CAMTA1: variants seen among roughly 807,000 people sequenced by gnomAD.
CAMTA1 encodes calmodulin binding transcription activator 1.
Under a neutral mutation model 170.9 loss-of-function variants are expected in CAMTA1, and 27 were observed. The ratio of observed to expected loss-of-function variants is 0.16; its 90% CI spans 0.12 to 0.22. The LOEUF (loss-of-function observed/expected upper bound fraction) is 0.22, where lower values mean the gene tolerates loss of function less well. Among genes scored for constraint, CAMTA1 ranks in the 10% least tolerant of loss-of-function variants. The probability of loss-of-function intolerance (pLI) is 1.00; values close to 1 mark genes in which losing one functional copy is unlikely to be tolerated. For missense variants in CAMTA1, 1,619 were observed against 2,217.2 expected (o/e 0.73, Z 5.42); for synonymous variants, 833 against 891.5 (o/e 0.93, Z 1.17).
intron 4 of CAMTA1, among the ~76,000 whole-genome samples, chr1:7,162,855 T>C (rs758479344): frequency 7.2e-5 from 11 of 152,158 alleles, no homozygotes; most frequent in Non-Finnish European, 1.6e-4. Context: ...ATGTGGTGAC[T>C]CCGTGGCTGA....
At chr1:7,156,733 C>T (rs952133230) in intron 4 of CAMTA1, among the ~76,000 whole-genome samples, 1 of 152,200 alleles carries the variant, frequency 6.6e-6, no homozygotes, top group Non-Finnish European at 1.5e-5. Flanking sequence ...TTGGGGACGA[C>T]ATTTAATTTT....
At chr1:7,361,986 C>T (rs2085571887) in intron 5 of CAMTA1, among the ~76,000 whole-genome samples, 1 of 152,216 alleles carries the variant, frequency 6.6e-6, no homozygotes, top group Admixed American at 6.5e-5. Context: ...TTCTTGAATG[C>T]ATAGGCCATA....
intron 3 of CAMTA1, among the ~76,000 whole-genome samples, chr1:7,021,706 G>A (rs1329736959): frequency 1.3e-5 from 2 of 152,204 alleles, no homozygotes; most frequent in Admixed American, 1.3e-4. Flanking sequence ...AGTTCCTTGT[G>A]TGTCAGCTGT....
chr1:7,702,004 T>C (rs893067908), intron 11 of CAMTA1, among the ~76,000 whole-genome samples: 2 of 152,132 alleles, frequency 1.3e-5, no homozygotes, highest in African/African-American at 4.8e-5. Flanking sequence ...CATCCCACCC[T>C]AGCTCTGCCT....
chr1:7,547,149 A>G lies in CAMTA1; in HGVS notation c.510+79248A>G, dbSNP rs2094704557. Among the ~76,000 whole-genome samples the G allele has an allele frequency of 6.6e-6, 1 of 152,140 alleles. No individual in the cohort carries two copies. The highest frequency in any genetic ancestry group is 2.4e-5 in the African/African-American group (1 of 41,422). ...TGGGTCATTTGATATAAGCCCAATC[A>G]TTCTTTGAGCACTTCCTTGCTTTCT... On this transcript the variant is annotated intron_variant, in intron 6 of 22. Coordinates refer to ENST00000303635, the MANE Select transcript of CAMTA1 (RefSeq NM_015215.4). This position sits in a 1 kb window ranked among gnomAD's most constrained non-coding sequence, Gnocchi z 5.7.
Position 7,588,124 on chromosome 1 carries a change from T to C in CAMTA1, c.511-52276T>C, listed in dbSNP as rs755094798. ...TTCTGGGTCACTGGGGCTATGGGACTAGACCCCAGGGCTGGGATCCCACAG... is the reference window on the plus strand; with the variant it reads ...TTCTGGGTCACTGGGGCTATGGGACCAGACCCCAGGGCTGGGATCCCACAG... On this transcript the variant is annotated intron_variant, in intron 6 of 22. Coordinates refer to ENST00000303635, the MANE Select transcript of CAMTA1 (RefSeq NM_015215.4). The surrounding 1 kb of genome is among the most constrained non-coding windows in gnomAD (Gnocchi z 5.8). Among the ~76,000 whole-genome samples, 27 of 152,112 alleles carry C rather than the reference T, an allele frequency of 1.8e-4. No homozygotes were observed. The highest frequency in any genetic ancestry group is 1.4e-3 in the Admixed American group (21 of 15,292).
In CAMTA1 at chr1:7,562,152, G is replaced by A. The variant is rs2094965291; in HGVS notation, c.511-78248G>A. 6.6e-6 allele frequency among the ~76,000 whole-genome samples: 1 copy of A among 152,138 alleles called. No homozygotes were observed. The highest frequency in any genetic ancestry group is 2.1e-4 in the South Asian group (1 of 4,830). On this transcript the variant is annotated intron_variant, in intron 6 of 22. Coordinates refer to ENST00000303635, the MANE Select transcript of CAMTA1 (RefSeq NM_015215.4). The surrounding 1 kb of genome is among the most constrained non-coding windows in gnomAD (Gnocchi z 4.8). ...CCTCACTACCCGCACCAGGATTCAC[G>A]GGTTGCAGCTGCCCAGTCCTGAGGC...
At chr1:7,472,710 G>C (rs922672458) in intron 6 of CAMTA1, among the ~76,000 whole-genome samples, 3 of 152,146 alleles carry the variant, frequency 2.0e-5, no homozygotes, top group Non-Finnish European at 4.4e-5. Context: ...TGCCAGCCCT[G>C]GGTCCCCCTA....
intron 3 of CAMTA1, among the ~76,000 whole-genome samples, chr1:7,026,189 G>A (rs1701995593): frequency 6.6e-6 from 1 of 152,044 alleles, no homozygotes; most frequent in South Asian, 2.1e-4. Flanking sequence ...GTGGAAGTGA[G>A]ATGTTTATCC....
intron 3 of CAMTA1, among the ~76,000 whole-genome samples, chr1:6,967,380 C>T (rs777762229): frequency 2.0e-5 from 3 of 152,098 alleles, no homozygotes; most frequent in Non-Finnish European, 4.4e-5. Flanking sequence ...GGTGGAACTG[C>T]GTTTCCTCTG....
chr1:7,614,638 C>T (rs1300782239), intron 6 of CAMTA1, among the ~76,000 whole-genome samples: 3 of 152,144 alleles, frequency 2.0e-5, no homozygotes, highest in Non-Finnish European at 4.4e-5. Context: ...GTTTATGGCT[C>T]GTCACTGTTA....
chr1:7,177,408 C>T (rs1651082884), intron 4 of CAMTA1, among the ~76,000 whole-genome samples: 1 of 150,698 alleles, frequency 6.6e-6, no homozygotes, highest in Non-Finnish European at 1.5e-5. Flanking sequence ...CTCTCCCACA[C>T]ACTGAGGCCC....
chr1:7,358,215 G>A (rs568315082), intron 5 of CAMTA1, among the ~76,000 whole-genome samples: 5 of 152,186 alleles, frequency 3.3e-5, no homozygotes, highest in Non-Finnish European at 5.9e-5. Flanking sequence ...CTCTGGTACC[G>A]AGGAGGTGAG....
chr1:7,668,388 A>AACACACACAC (rs779206499), intron 9 of CAMTA1, among the ~76,000 whole-genome samples: 66 of 101,468 alleles, frequency 6.5e-4, no homozygotes, highest in Middle Eastern at 9.5e-3. Context: ...GCTGGTCACC[A>AACACACACAC]ACACACACAC....
At chr1:7,701,967 C>T (rs1045847088) in intron 11 of CAMTA1, among the ~76,000 whole-genome samples, 2 of 152,122 alleles carry the variant, frequency 1.3e-5, no homozygotes, top group Non-Finnish European at 2.9e-5. Flanking sequence ...TGGCAGCACT[C>T]GGGGCTTGCC....
At chr1:6,909,376 A>T (rs901130033) in intron 3 of CAMTA1, among the ~76,000 whole-genome samples, 10 of 152,232 alleles carry the variant, frequency 6.6e-5, no homozygotes, top group African/African-American at 1.9e-4. Context: ...ACTCCCTAAA[A>T]ATGACAAAGA....
intron 4 of CAMTA1, among the ~76,000 whole-genome samples, chr1:7,208,065 T>G (rs1037410600): frequency 7.2e-5 from 11 of 152,242 alleles, no homozygotes; most frequent in African/African-American, 2.4e-4. Context: ...CCATGCTTGC[T>G]CCTCTTGTGG....
intron 3 of CAMTA1, among the ~76,000 whole-genome samples, chr1:6,886,750 G>C (rs148542152): frequency 6.6e-6 from 1 of 152,252 alleles, no homozygotes. Context: ...ACAGTGTGGA[G>C]TGTTTTATCT....
intron 3 of CAMTA1, among the ~76,000 whole-genome samples, chr1:6,959,882 G>A (rs1690086456): frequency 6.6e-6 from 1 of 152,174 alleles, no homozygotes; most frequent in Non-Finnish European, 1.5e-5. Context: ...CATGGGCAGA[G>A]CAGAGAGACC....
Sources: allele counts gnomAD v4.1 joint callset (sites outside exome capture counted in the v4.1 genomes callset), GRCh38; gene constraint gnomAD v4.1.1; non-coding constraint Gnocchi (gnomAD v3.1); transcripts MANE v1.5; gene names NCBI Gene and HGNC (gene_info 2026-07-23, HGNC 2026-07-21).